The following APC2 variants were observed in gnomAD, a reference collection of about 807,000 sequenced individuals.
APC2 encodes adenomatous polyposis coli protein 2.
A neutral mutation model predicts 72.5 loss-of-function variants in APC2; 41 were observed. The observed-to-expected ratio is 0.57, with a 90% CI of 0.44 to 0.73. The LOEUF (loss-of-function observed/expected upper bound fraction) is 0.73, where lower values mean the gene tolerates loss of function less well. Ranked by LOEUF, APC2 falls within the 30% of genes least tolerant of loss-of-function variation. The pLI, the probability that APC2 is intolerant of heterozygous loss-of-function variation, is 0.00. For missense variants in APC2, 3,729 were observed against 3,403.4 expected, an observed-to-expected ratio of 1.10 and a Z score of -2.38; for synonymous variants, 1,898 against 1,612.0, an observed-to-expected ratio of 1.18 and a Z score of -4.25.
rs372789581 is a variant in APC2 at position 1,460,837 on chromosome 19, G to A, written c.1501G>A (p.Asp501Asn). ...GGCCATCGTGGCCCAGCTGGCCTCCGACAGTGAGGAGCTCCACCAGGTACA... is the reference window on the plus strand; with the variant it reads ...GGCCATCGTGGCCCAGCTGGCCTCCAACAGTGAGGAGCTCCACCAGGTACA... ...MEAIVAQLAS[D>N]SEELHQVVSS... The change falls in exon 12 of 15, where the codon GAC becomes AAC. Residue 501 changes from aspartate (D) to asparagine (N), a missense_variant. By Grantham distance (23) the Asp-to-Asn change is conservative. Coordinates refer to ENST00000590469, the MANE Select transcript of APC2 (RefSeq NM_005883.3). 321 of 1,613,172 alleles carry A rather than the reference G, an allele frequency of 2.0e-4. No homozygotes were observed. Among genetic ancestry groups the A allele is most frequent in the South Asian group, 1.3e-3 (116 of 91,080 alleles).
chr19:1,460,704 G>C (rs927122840), intron 11 of APC2, 76 bp from the exon 12 acceptor site: 2 of 1,441,840 alleles, frequency 1.4e-6, no homozygotes, highest in Admixed American at 1.9e-5. Flanking sequence ...GCAGCACACA[G>C]ACGGGGCTGG....
At chr19:1,457,534 C>G (rs988247255) in intron 9 of APC2, 2 of 528,454 alleles carry the variant, frequency 3.8e-6, no homozygotes, top group East Asian at 3.5e-5. Context: ...TGCAGTTGAT[C>G]GCAAAGTTAA....
Position 1,467,070 on chromosome 19 carries a change from G to T in APC2, c.3769G>T (p.Asp1257Tyr). The T allele has an allele frequency of 6.2e-7, 1 of 1,611,510 alleles. No homozygotes were observed. Among genetic ancestry groups the T allele is most frequent in the Non-Finnish European group, 8.5e-7 (1 of 1,179,540 alleles). Residue 1257 changes from aspartate (D) to tyrosine (Y), a missense_variant, in exon 15 of 15, where the codon GAC becomes TAC. Coordinates refer to ENST00000590469, the MANE Select transcript of APC2 (RefSeq NM_005883.3). ...GCGCTGCCGGCTGCCATCTGAGCTG[G>T]ACGCAGGCAGCGTGCGCTTTACCGT... ...RERCRLPSEL[D>Y]AGSVRFTVEK...
rs2145258001 is a variant in APC2 at position 1,469,189 on chromosome 19, CG to C, written c.5893del (p.Ala1965ArgfsTer31). 7.0e-6 allele frequency: 9 copies of C among 1,284,862 alleles called. No individual in the cohort carries two copies. The South Asian group carries it at 8.6e-5, about 12-fold the overall frequency. 79.6% of individuals were successfully genotyped at this position (1,284,862 alleles called of 1,614,324 possible). A position where few individuals can be genotyped will look rare whatever the true frequency, so the allele number is the denominator to read the frequency against. ...PRGRAGTEAGPGARGGRLGLV... is the reference protein window; with the variant it reads ...PRGRAGTEAGXGARGGRLGLV... The stretch of plus-strand genomic sequence containing the variant: ...GGCCGGGCGGGGACCGAGGCGGGCC[CG>C]GGGGCGCGCGGGGGCCGCCTGGGCC... On this transcript the variant is annotated frameshift_variant, in exon 15 of 15. Transcript: ENST00000590469. LOFTEE classifies it low-confidence loss of function (END_TRUNC).
rs576724127 is a variant in APC2, at chr19:1,455,267, C to T, written c.522+10C>T. On this transcript the variant is annotated intron_variant, in intron 5 of 14. Transcript: ENST00000590469. ...GCCGCACGTGGAGACGGTGAGCCGG[C>T]CGGGGAGCCAGGGGGCAGCGCGCCC... 5 of 1,562,756 alleles carry T rather than the reference C, an allele frequency of 3.2e-6. No individual in the cohort carries two copies. The South Asian group carries it at 5.9e-5, about 18-fold the overall frequency.
chr19:1,457,901 C>T (rs987883589), intron 9 of APC2, 64 bp from the exon 10 acceptor site: 2 of 889,666 alleles, frequency 2.2e-6, no homozygotes, highest in Non-Finnish European at 3.1e-6. Context: ...GTTGCGGGAC[C>T]TTCGGGAGTC....
chr19:1,460,113 T>G, intron 10 of APC2, 68 bp from the exon 11 acceptor site: 1 of 1,600,678 alleles, frequency 6.2e-7, no homozygotes, highest in Middle Eastern at 2.1e-4. Flanking sequence ...GGCAAGGGAG[T>G]GAGGTGGGGC....
chr19:1,456,913 C>A lies in APC2; in HGVS notation c.877C>A (p.Arg293Ser), dbSNP rs768478428. The change falls in exon 9 of 15, where the codon CGC (arginine) becomes AGC (serine). Residue 293 changes from arginine to serine, a missense_variant. Arg to Ser is a moderately radical substitution (Grantham distance 110). Coordinates refer to ENST00000590469, the MANE Select transcript of APC2 (RefSeq NM_005883.3). ...LATRDQEDTA[R>S]TLLAMSSSPE... ...GACGCGCGACCAGGAGGATACAGCG[C>A]GCACGCTGCTGGCCATGTCCAGCTC... 1.9e-6 allele frequency: 3 copies of A among 1,578,630 alleles called. No individual in the cohort carries two copies. The highest frequency in any genetic ancestry group is 1.8e-5 in the Admixed American group (1 of 56,984).
rs999234326 is a variant in APC2 at position 1,472,617 on chromosome 19, C to G, written c.*2404C>G. The stretch of plus-strand genomic sequence containing the variant: ...TCCCACCCCCACCCCGAGTCCTGAG[C>G]TCACTTTCGCCTTCTCCATCCCCTG... On this transcript the variant is annotated 3_prime_UTR_variant, in exon 15 of 15. Transcript: ENST00000590469. The G allele has an allele frequency of 2.1e-5, 3 of 142,440 alleles. No homozygotes were observed. In the Admixed American group the frequency reaches 2.3e-4, roughly 11 times the overall value. The allele number at this position is 142,440 out of a possible 1,614,324, so 8.8% of individuals were successfully genotyped here. A position where few individuals can be genotyped will look rare whatever the true frequency, so the allele number is the denominator to read the frequency against.
intron 10 of APC2, among the ~76,000 whole-genome samples, chr19:1,459,349 CAGA>C (rs936181208): frequency 6.6e-6 from 1 of 151,700 alleles, no homozygotes; most frequent in African/African-American, 2.4e-5. Context: ...GAGTTGCAGG[CAGA>C]AGGAGCCACC....
Position 1,453,607 on chromosome 19 carries a change from G to A in APC2, c.409G>A (p.Glu137Lys), listed in dbSNP as rs1453583307. The A allele has an allele frequency of 6.3e-7, 1 of 1,598,108 alleles. No homozygotes were observed. The highest frequency in any genetic ancestry group is 1.1e-5 in the South Asian group (1 of 89,680). Residue 137 changes from glutamate (E) to lysine (K), a missense_variant, in exon 4 of 15, where the codon GAA becomes AAA. By Grantham distance (56) the Glu-to-Lys change is moderately conservative (BLOSUM62 1). Transcript: ENST00000590469. Reference protein sequence around the residue: ...TIRLLEELDRERCFLLNEIEK... With the variant: ...TIRLLEELDRKRCFLLNEIEK... ...CCGGCTGCTGGAGGAACTGGACCGG[G>A]AACGGTGAGTGGGCGTGGGAACCCA...
intron 8 of APC2, 113 bp downstream of exon 8, chr19:1,456,517 C>A: frequency 8.6e-7 from 1 of 1,161,312 alleles, no homozygotes; most frequent in Non-Finnish European, 1.2e-6. Context: ...AGCACCCCCT[C>A]GGGTGTAGGA....
Position 1,466,823 on chromosome 19 carries a change from G to A in APC2, c.3522G>A (p.Pro1174=). ...GCTCGCTGGGCAGCTTCGAGAGCCC[G>A]TCCATCGCCAGCTCCATCCCCAGTG... The part of the protein sequence containing the change: ...SVSSLGSFES[P]SIASSIPSEP... The change falls in exon 15 of 15, where the codon CCG becomes CCA. Residue 1174 remains proline, a synonymous_variant. Coordinates refer to ENST00000590469, the MANE Select transcript of APC2 (RefSeq NM_005883.3). 1.3e-6 allele frequency: 2 copies of A among 1,554,774 alleles called. No homozygotes were observed. Among genetic ancestry groups the A allele is most frequent in the Non-Finnish European group, 1.7e-6 (2 of 1,150,458 alleles).
chr19:1,456,417 G>A lies in APC2; in HGVS notation c.816+13G>A, dbSNP rs745425258. On this transcript the variant is annotated intron_variant, in intron 8 of 14. Coordinates refer to ENST00000590469, the MANE Select transcript of APC2 (RefSeq NM_005883.3). ...GGGCAACAGCAAGGTGAGGGGGAGG[G>A]TGAAACGGGGGCTGGCGCAGCTGTC... 6.9e-6 allele frequency: 11 copies of A among 1,585,888 alleles called. No homozygotes were observed. The highest frequency in any genetic ancestry group is 9.4e-6 in the Non-Finnish European group (11 of 1,167,474).
intron 4 of APC2, among the ~76,000 whole-genome samples, chr19:1,454,231 C>T (rs2083783683): frequency 6.6e-6 from 1 of 152,168 alleles, no homozygotes; most frequent in East Asian, 1.9e-4. Flanking sequence ...CTCTGTTGCA[C>T]CTGGAGCACT....
In APC2 at chr19:1,468,617, G is replaced by C. The variant is rs1369819324; in HGVS notation, c.5316G>C (p.Glu1772Asp). 4 of 1,601,304 alleles carry C rather than the reference G, an allele frequency of 2.5e-6. No homozygotes were observed. The African/African-American group carries it at 5.4e-5, about 21-fold the overall frequency. Residue 1772 changes from glutamate (E) to aspartate (D), a missense_variant, in exon 15 of 15, where the codon GAG becomes GAC. Transcript: ENST00000590469. Reference protein sequence around the residue: ...SGSPRSPAGPEKPRGTQKTTP... With the variant: ...SGSPRSPAGPDKPRGTQKTTP... ...GCCCCCGTTCCCCTGCAGGCCCCGAGAAGCCACGTGGCACACAGAAGACCA... is the reference window on the plus strand; with the variant it reads ...GCCCCCGTTCCCCTGCAGGCCCCGACAAGCCACGTGGCACACAGAAGACCA...
intron 4 of APC2, among the ~76,000 whole-genome samples, 169 bp from the exon 5 acceptor site, chr19:1,454,980 A>G (rs2083797145): frequency 2.0e-5 from 2 of 100,604 alleles, no homozygotes; most frequent in South Asian, 8.3e-4. Context: ...GTTAATTTCA[A>G]TACCCACCCC....
Position 1,468,600 on chromosome 19 carries a change from T to C in APC2, c.5299T>C (p.Ser1767Pro). ...ASVKTSGSPR[S>P]PAGPEKPRGT... ...AGTCAAGACCAGCGGGAGCCCCCGT[T>C]CCCCTGCAGGCCCCGAGAAGCCACG... The change falls in exon 15 of 15, where the codon TCC (serine) becomes CCC (proline). Residue 1767 changes from serine (S) to proline (P), a missense_variant. By Grantham distance (74) the Ser-to-Pro change is moderately conservative. Coordinates refer to ENST00000590469, the MANE Select transcript of APC2 (RefSeq NM_005883.3). The C allele has an allele frequency of 6.2e-7, 1 of 1,600,672 alleles. No homozygotes were observed. The highest frequency in any genetic ancestry group is 1.1e-5 in the South Asian group (1 of 90,140).
At position 1,453,351 on chromosome 19, in the gene APC2, C is replaced by A. The variant is rs1486707479; in HGVS notation, c.232+14C>A. 4 of 1,610,212 alleles carry A rather than the reference C, an allele frequency of 2.5e-6. No homozygotes were observed. Among genetic ancestry groups the A allele is most frequent in the Non-Finnish European group, 3.4e-6 (4 of 1,178,832 alleles). ...AGCAGCTGAAGGGTGAGCGGTGGGG[C>A]CACCCGCAGAGGGAGTGGGGGAGGC... is the stretch of plus-strand genomic sequence containing the variant. On this transcript the variant is annotated intron_variant, in intron 3 of 14. Coordinates refer to ENST00000590469, the MANE Select transcript of APC2 (RefSeq NM_005883.3).
Sources: gnomAD v4.1 joint callset for allele counts (sites outside exome capture counted in the v4.1 genomes callset) on GRCh38, gnomAD v4.1.1 for gene constraint, MANE v1.5 for transcripts, NCBI Gene and HGNC (gene_info 2026-07-23, HGNC 2026-07-21) for gene names.